Variants in LRRC42 observed in about 807,000 individuals in gnomAD.
LRRC42 encodes the protein leucine rich repeat containing 42.
A neutral mutation model predicts 44.3 loss-of-function variants in LRRC42; 43 were observed. The ratio of observed to expected loss-of-function variants is 0.97; its 90% CI spans 0.76 to 1.25. The LOEUF is 1.25. Ranked by LOEUF, LRRC42 falls within the 50% of genes most tolerant of loss-of-function variation. The probability of loss-of-function intolerance (pLI) is 0.00; values close to 1 mark genes in which losing one functional copy is unlikely to be tolerated. For missense variants in LRRC42, 540 were observed against 509.1 expected, an observed-to-expected ratio of 1.06 and a Z score of -0.58; for synonymous variants, 207 against 195.2, an observed-to-expected ratio of 1.06 and a Z score of -0.50.
rs35781343 is a variant in LRRC42 at position 53,963,957 on chromosome 1, C to CA, written c.927+1549dup. 1.0e-4 allele frequency among the ~76,000 whole-genome samples: 13 copies of CA among 125,414 alleles called. No homozygotes were observed. In the East Asian group the frequency reaches 1.1e-3, roughly 11 times the overall value. The allele number at this position is 125,414 out of a possible 152,430, so 82.3% of individuals were successfully genotyped here. A position where few individuals can be genotyped will look rare whatever the true frequency, so the allele number is the denominator to read the frequency against. ...TTTCCCCTCCTGCCCACCCCCCCCCCATCTTCATTGTCCCCCTTTGTTGGC... is the reference window on the plus strand; with the variant it reads ...TTTCCCCTCCTGCCCACCCCCCCCCCAATCTTCATTGTCCCCCTTTGTTGGC... On this transcript the variant is annotated intron_variant, in intron 7 of 8. Transcript: ENST00000371370.
chr1:53,948,113 AT>A (rs1271743732), intron 2 of LRRC42: 1 of 152,232 alleles, frequency 6.6e-6, no homozygotes, highest in East Asian at 1.9e-4. Context: ...TAGGTGCTTA[AT>A]AAATGGTAGC....
intron 7 of LRRC42, among the ~76,000 whole-genome samples, chr1:53,964,894 C>T (rs1655086212): frequency 6.6e-6 from 1 of 152,086 alleles, no homozygotes; most frequent in South Asian, 2.1e-4. Context: ...CCATGTTGCC[C>T]AGGCTGGTCT....
intron 3 of LRRC42, among the ~76,000 whole-genome samples, chr1:53,957,247 C>T (rs1181287016): frequency 1.3e-5 from 2 of 152,198 alleles, no homozygotes; most frequent in African/African-American, 2.4e-5. Context: ...GCTGTGGAAA[C>T]TTCCAGACAT....
Position 53,958,182 on chromosome 1 carries a change from T to A in LRRC42, c.507T>A (p.Ile169=). The A allele has an allele frequency of 6.2e-7, 1 of 1,613,898 alleles. No homozygotes were observed. The highest frequency in any genetic ancestry group is 8.5e-7 in the Non-Finnish European group (1 of 1,179,842). ...TGATTTCAGAAAAGCTTGAGGAGATTAAGTCTTTCCGGGAGCTGACCTGCC... is the reference window on the plus strand; with the variant it reads ...TGATTTCAGAAAAGCTTGAGGAGATAAAGTCTTTCCGGGAGCTGACCTGCC... The part of the protein sequence containing the change: ...YLVISEKLEE[I]KSFRELTCLD... The change falls in exon 4 of 9, where the codon ATT becomes ATA. Residue 169 remains isoleucine, a synonymous_variant. Coordinates refer to ENST00000371370, the MANE Select transcript of LRRC42 (RefSeq NM_001256409.2).
chr1:53,960,222 A>G (rs1312822304), intron 4 of LRRC42, 134 bp from the exon 5 acceptor site: 6 of 630,466 alleles, frequency 9.5e-6, no homozygotes, highest in Non-Finnish European at 1.4e-5. Context: ...ACTTTGTTAA[A>G]TGCATTGGGT....
chr1:53,967,882 A>G lies in LRRC42; in HGVS notation c.1230A>G (p.Ser410=). Residue 410 remains serine, a synonymous_variant, in exon 9 of 9, where the codon TCA becomes TCG. Transcript: ENST00000371370. ...AACAGAATAACTCTTCACAACCTTCAAAGCAGAAATATGTATGTCTTGCTG... is the reference window on the plus strand; with the variant it reads ...AACAGAATAACTCTTCACAACCTTCGAAGCAGAAATATGTATGTCTTGCTG... ...ETEQNNSSQP[S]KQKYVCLAVE... 1 of 1,614,240 alleles carries G rather than the reference A, an allele frequency of 6.2e-7. No individual in the cohort carries two copies. The highest frequency in any genetic ancestry group is 8.5e-7 in the Non-Finnish European group (1 of 1,180,044).
intron 3 of LRRC42, among the ~76,000 whole-genome samples, chr1:53,956,600 C>T (rs1654848350): frequency 6.6e-6 from 1 of 152,124 alleles, no homozygotes; most frequent in Non-Finnish European, 1.5e-5. Context: ...ATTGCTTTTC[C>T]ACTGTACTGT....
intron 4 of LRRC42, among the ~76,000 whole-genome samples, chr1:53,958,774 C>T (rs527357083): frequency 1.7e-4 from 26 of 151,988 alleles, no homozygotes; most frequent in African/African-American, 5.8e-4. Flanking sequence ...TTAGTAGAGA[C>T]GGGGTTTCTC....
intron 4 of LRRC42, among the ~76,000 whole-genome samples, chr1:53,960,032 T>C (rs1171230409): frequency 2.0e-5 from 3 of 151,938 alleles, no homozygotes; most frequent in Non-Finnish European, 4.4e-5. Flanking sequence ...GCCATCTTCC[T>C]GCCTCAGCCT....
chr1:53,967,631 G>A (rs577707844), intron 8 of LRRC42, 34 bp from the exon 9 acceptor site: 4 of 1,602,670 alleles, frequency 2.5e-6, no homozygotes, highest in East Asian at 2.2e-5. Flanking sequence ...ATATGCCAGT[G>A]TAGTGAACTC....
chr1:53,958,420 C>T, intron 4 of LRRC42, 140 bp downstream of exon 4: 1 of 1,108,192 alleles, frequency 9.0e-7, no homozygotes, highest in Non-Finnish European at 1.3e-6. Flanking sequence ...TTTTCAATCT[C>T]CATTTACTTG....
At chr1:53,956,596 T>C (rs1012706194) in intron 3 of LRRC42, among the ~76,000 whole-genome samples, 1 of 152,206 alleles carries the variant, frequency 6.6e-6, no homozygotes, top group Non-Finnish European at 1.5e-5. Flanking sequence ...TTCTATTGCT[T>C]TTCCACTGTA....
chr1:53,966,299 G>A lies in LRRC42; in HGVS notation c.931G>A (p.Val311Ile), dbSNP rs748652172. Reference protein sequence around the residue: ...CKTEGWADQIVLQWERVTAEA... With the variant: ...CKTEGWADQIILQWERVTAEA... ...AATCTTTCCAAATATGTTTCAGATC[G>A]TTCTGCAGTGGGAGCGTGTGACTGC... The change falls in exon 8 of 9, where the codon GTT (valine) becomes ATT (isoleucine). Residue 311 changes from valine (V) to isoleucine (I), a missense_variant. Val to Ile is a conservative substitution (Grantham distance 29). Transcript: ENST00000371370. 27 of 1,611,432 alleles carry A rather than the reference G, an allele frequency of 1.7e-5. No homozygotes were observed. Among genetic ancestry groups the A allele is most frequent in the South Asian group, 2.2e-5 (2 of 91,028 alleles).
chr1:53,954,597 T>C (rs376474141), intron 3 of LRRC42, among the ~76,000 whole-genome samples: 1 of 152,260 alleles, frequency 6.6e-6, no homozygotes, highest in East Asian at 1.9e-4. Context: ...ATGATCATTT[T>C]CAAATATATT....
intron 7 of LRRC42, among the ~76,000 whole-genome samples, chr1:53,964,998 GTTTTTTTTTGTTTT>G (rs375875580): frequency 0.11 from 15,097 of 131,834 alleles, 821 homozygotes; most frequent in African/African-American, 0.13. Context: ...GAACTGTATT[GTTTTTTTTTGTTTT>G]TTTTTTTTTT....
intron 8 of LRRC42, 95 bp from the exon 9 acceptor site, chr1:53,967,570 T>C: frequency 8.4e-7 from 1 of 1,190,746 alleles, no homozygotes. Context: ...TCACCCTGTT[T>C]GGGCCTTTGT....
chr1:53,966,661 A>G (rs1252367340), intron 8 of LRRC42, among the ~76,000 whole-genome samples: 1 of 152,170 alleles, frequency 6.6e-6, no homozygotes, highest in Non-Finnish European at 1.5e-5. Flanking sequence ...AGAAGATGAA[A>G]AAGGAATTGA....
Position 53,967,765 on chromosome 1 carries a change from A to G in LRRC42, c.1113A>G (p.Pro371=), listed in dbSNP as rs756193247. 4.0e-5 allele frequency: 65 copies of G among 1,614,106 alleles called. No individual in the cohort carries two copies. Among genetic ancestry groups the G allele is most frequent in the Non-Finnish European group, 5.3e-5 (63 of 1,180,046 alleles). Reference sequence around the variant, plus strand: ...TCCAGTTCTATAAAGAGAAAGCCCCAGATTGCCATGGGCCAGTGTTGAAAC... The same window carrying G: ...TCCAGTTCTATAAAGAGAAAGCCCCGGATTGCCATGGGCCAGTGTTGAAAC... ...EKLQFYKEKA[P]DCHGPVLKHE... is the part of the protein sequence containing the mutation. Residue 371 remains proline, a synonymous_variant, in exon 9 of 9, where the codon CCA becomes CCG. Transcript: ENST00000371370.
chr1:53,952,406 G>A lies in LRRC42; in HGVS notation c.407G>A (p.Arg136Lys), dbSNP rs1418132949. The change falls in exon 3 of 9, where the codon AGG (arginine) becomes AAG (lysine). Residue 136 changes from arginine to lysine, a missense_variant. By Grantham distance (26) the Arg-to-Lys change is conservative. Transcript: ENST00000371370. The part of the protein sequence containing the change: ...QKFTEPGAGL[R>K]ALQKFTEAYG... Reference sequence around the variant, plus strand: ...TTCACTGAGCCAGGTGCAGGGCTGAGGGCTTTACAGAAATTCACTGAGGCC... The same window carrying A: ...TTCACTGAGCCAGGTGCAGGGCTGAAGGCTTTACAGAAATTCACTGAGGCC... 2 of 1,611,614 alleles carry A rather than the reference G, an allele frequency of 1.2e-6. No individual in the cohort carries two copies. The highest frequency in any genetic ancestry group is 4.5e-5 in the East Asian group (2 of 44,778).
Sources: gnomAD v4.1 joint callset for allele counts (sites outside exome capture counted in the v4.1 genomes callset) on GRCh38, gnomAD v4.1.1 for gene constraint, MANE v1.5 for transcripts, NCBI Gene and HGNC (gene_info 2026-07-23, HGNC 2026-07-21) for gene names.